The following PDE6C variants were observed in gnomAD, a reference collection of about 807,000 sequenced individuals.
PDE6C encodes cone cGMP-specific 3',5'-cyclic phosphodiesterase subunit alpha'.
Under a neutral mutation model 113.1 loss-of-function variants are expected in PDE6C, and 75 were observed. The observed-to-expected ratio is 0.66, with a 90% CI of 0.55 to 0.80. PDE6C has a LOEUF of 0.80. Ranked by LOEUF, PDE6C falls within the 30% of genes least tolerant of loss-of-function variation. The probability of loss-of-function intolerance (pLI) is 0.00; values close to 1 mark genes in which losing one functional copy is unlikely to be tolerated. For missense variants in PDE6C, 912 were observed against 1,038.6 expected, an observed-to-expected ratio of 0.88 and a Z score of 1.67; for synonymous variants, 375 against 363.7, an observed-to-expected ratio of 1.03 and a Z score of -0.35.
At chr10:93,665,314 T>C (rs2058685099) in intron 21 of PDE6C, 46 bp from the exon 22 acceptor site, 1 of 1,329,480 alleles carries the variant, frequency 7.5e-7, no homozygotes, top group Non-Finnish European at 1.1e-6. Flanking sequence ...AAAAACACTG[T>C]ATATCCACTA....
intron 8 of PDE6C, among the ~76,000 whole-genome samples, chr10:93,633,190 G>A (rs966447116): frequency 6.6e-5 from 10 of 152,156 alleles, no homozygotes; most frequent in Non-Finnish European, 1.2e-4. Flanking sequence ...CCCAGGCCAG[G>A]CATAGTGACT....
At chr10:93,663,714 G>A (rs897165425) in intron 21 of PDE6C, among the ~76,000 whole-genome samples, 2 of 152,114 alleles carry the variant, frequency 1.3e-5, no homozygotes, top group Non-Finnish European at 2.9e-5. Context: ...TCTGGCATGA[G>A]ATTCCTGTGC....
At chr10:93,625,509 T>A (rs2058469044) in intron 4 of PDE6C, 66 bp from the exon 5 acceptor site, 2 of 1,063,708 alleles carry the variant, frequency 1.9e-6, no homozygotes, top group African/African-American at 1.6e-5. Flanking sequence ...ACACATAAAA[T>A]TCATATAAGA....
rs1362334087 is a variant in PDE6C, at chr10:93,665,980, A to C, written c.*562A>C. ...GGGCCTACCCATGTGACCTCATTTT[A>C]GTCTTAATTACCTCGTTAATGGCCT... On this transcript the variant is annotated 3_prime_UTR_variant, in exon 22 of 22. Coordinates refer to ENST00000371447, the MANE Select transcript of PDE6C (RefSeq NM_006204.4). 1 of 156,970 alleles carries C rather than the reference A, an allele frequency of 6.4e-6. No homozygotes were observed. The highest frequency in any genetic ancestry group is 2.4e-5 in the African/African-American group (1 of 41,358). The allele number at this position is 156,970 out of a possible 1,614,324, so 9.7% of individuals were successfully genotyped here. A position where few individuals can be genotyped will look rare whatever the true frequency, so the allele number is the denominator to read the frequency against.
At chr10:93,627,785 C>A (rs903182358) in intron 7 of PDE6C, among the ~76,000 whole-genome samples, 1 of 152,186 alleles carries the variant, frequency 6.6e-6, no homozygotes, top group African/African-American at 2.4e-5. Flanking sequence ...CAAGTTAGAT[C>A]ATGAAATTAA....
At chr10:93,641,175 C>T (rs140153276) in intron 14 of PDE6C, 146 bp downstream of exon 14, 49 of 630,314 alleles carry the variant, frequency 7.8e-5, no homozygotes, top group South Asian at 6.7e-4. Context: ...TATTCCCTCC[C>T]AAGCTTCCGC....
rs771237873 is a variant in PDE6C at position 93,640,513 on chromosome 10, C to T, written c.1693C>T (p.Arg565Trp). ...CCGAGCTGTCACTTACCACAATTGG[C>T]GGCATGGGTTCAACGTGGGGCAGAC... ...GYRAVTYHNW[R>W]HGFNVGQTMF... The change falls in exon 13 of 22, where the codon CGG becomes TGG. Residue 565 changes from arginine to tryptophan, a missense_variant. Physicochemically the swap from Arg to Trp is moderately radical, Grantham distance 101. Coordinates refer to ENST00000371447, the MANE Select transcript of PDE6C (RefSeq NM_006204.4). 12 of 1,613,522 alleles carry T rather than the reference C, an allele frequency of 7.4e-6. No homozygotes were observed. Among genetic ancestry groups the T allele is most frequent in the Non-Finnish European group, 7.6e-6 (9 of 1,179,646 alleles).
chr10:93,637,190 G>A (rs1452994938), intron 11 of PDE6C, 127 bp downstream of exon 11: 1 of 657,948 alleles, frequency 1.5e-6, no homozygotes, highest in Non-Finnish European at 2.7e-6. Context: ...ATTTCTCAAG[G>A]CTAAAAAGAA....
At chr10:93,634,609 A>G in intron 8 of PDE6C, 149 bp from the exon 9 acceptor site, 1 of 747,800 alleles carries the variant, frequency 1.3e-6, no homozygotes, top group Non-Finnish European at 2.3e-6. Flanking sequence ...AATGTACTGT[A>G]GTTGTCTAAC....
chr10:93,635,522 C>G lies in PDE6C; in HGVS notation c.1295C>G (p.Ser432Cys). 6.2e-7 allele frequency: 1 copy of G among 1,611,136 alleles called. No homozygotes were observed. Among genetic ancestry groups the G allele is most frequent in the East Asian group, 2.2e-5 (1 of 44,854 alleles). Reference protein sequence around the residue: ...TETLTQFLGWSLLNTDTYDKM... With the variant: ...TETLTQFLGWCLLNTDTYDKM... ...ACTCTCACACAATTTCTTGGATGGT[C>G]TCTTTTAAATACTGACACCTACGAT... The change falls in exon 10 of 22, where the codon TCT becomes TGT. Residue 432 changes from serine to cysteine, a missense_variant. Transcript: ENST00000371447.
At chr10:93,644,579 C>T (rs193188940) in intron 14 of PDE6C, among the ~76,000 whole-genome samples, 23 of 151,652 alleles carry the variant, frequency 1.5e-4, no homozygotes, top group African/African-American at 5.3e-4. Context: ...TCTTTACTAG[C>T]TATTTTGAAA....
At chr10:93,654,810 CTTTT>C (rs57025205) in intron 15 of PDE6C, among the ~76,000 whole-genome samples, 11 of 77,100 alleles carry the variant, frequency 1.4e-4, no homozygotes, top group Non-Finnish European at 1.8e-4. Context: ...TTCTTTCTTT[CTTTT>C]TTTTTTTTTT....
At chr10:93,664,291 T>C (rs140491646) in intron 21 of PDE6C, among the ~76,000 whole-genome samples, 1 of 152,310 alleles carries the variant, frequency 6.6e-6, no homozygotes, top group East Asian at 1.9e-4. Context: ...ATGCTTACGC[T>C]AACCACAGAA....
chr10:93,658,014 T>TA (rs1188451242), intron 16 of PDE6C, among the ~76,000 whole-genome samples: 1 of 150,562 alleles, frequency 6.6e-6, no homozygotes, highest in African/African-American at 2.4e-5. Flanking sequence ...ACAAAAAAAT[T>TA]AAAAAATTAG....
At position 93,629,223 on chromosome 10, in the gene PDE6C, A is replaced by C. The variant is rs370222380; in HGVS notation, c.1072-35A>C. 23 of 1,558,430 alleles carry C rather than the reference A, an allele frequency of 1.5e-5. No homozygotes were observed. In the African/African-American group the frequency reaches 3.0e-4, roughly 20 times the overall value. ...TGGATCAAGAGGGCTCCACTACACA[A>C]TATTTCAGACCATTTGTCTCCTCTT... is the stretch of plus-strand genomic sequence containing the variant. On this transcript the variant is annotated intron_variant, in intron 7 of 21. Transcript: ENST00000371447.
Position 93,658,669 on chromosome 10 carries a change from C to CCTCT in PDE6C, c.2037-213_2037-210dup, listed in dbSNP as rs56029704. On this transcript the variant is annotated intron_variant, in intron 16 of 21. Coordinates refer to ENST00000371447, the MANE Select transcript of PDE6C (RefSeq NM_006204.4). ...AGTTACCTGTTTTGTTTTGTTTTTC[C>CCTCT]CTCTCTCTCTCTCTCTCTCTCTGTA... Among the ~76,000 whole-genome samples, 1,092 of 143,818 alleles carry CCTCT rather than the reference C, an allele frequency of 7.6e-3. 4 individuals carry two copies. Among genetic ancestry groups the CCTCT allele is most frequent in the African/African-American group, 0.018 (659 of 37,532 alleles). 94.4% of individuals were successfully genotyped at this position (143,818 alleles called of 152,430 possible).
At chr10:93,654,371 G>A in intron 15 of PDE6C, among the ~76,000 whole-genome samples, 1 of 152,196 alleles carries the variant, frequency 6.6e-6, no homozygotes, top group Non-Finnish European at 1.5e-5. Flanking sequence ...ATGCTGCACT[G>A]GCTTAGACAC....
In PDE6C at chr10:93,626,538, A is replaced by T; in HGVS notation, c.940-102A>T. 3 of 704,146 alleles carry T rather than the reference A, an allele frequency of 4.3e-6. No homozygotes were observed. In the South Asian group the frequency reaches 5.0e-5, roughly 12 times the overall value. 43.6% of individuals were successfully genotyped at this position (704,146 alleles called of 1,614,324 possible). On this transcript the variant is annotated intron_variant, in intron 5 of 21. Transcript: ENST00000371447. ...TGTTATAATATAATGTGGTTGGGAA[A>T]TAAGGTTCTATTTGTAAGAGTTTTA...
At chr10:93,636,608 C>A (rs2058532870) in intron 10 of PDE6C, among the ~76,000 whole-genome samples, 1 of 151,188 alleles carries the variant, frequency 6.6e-6, no homozygotes, top group South Asian at 2.1e-4. Context: ...ACCCACACCT[C>A]TTTAAAAAAA....
Sources: gnomAD v4.1 joint callset for allele counts (sites outside exome capture counted in the v4.1 genomes callset) on GRCh38, gnomAD v4.1.1 for gene constraint, MANE v1.5 for transcripts, NCBI Gene and HGNC (gene_info 2026-07-23, HGNC 2026-07-21) for gene names.